ZNF429: variants seen among roughly 807,000 people sequenced by gnomAD.
ZNF429 encodes the protein zinc finger protein 429.
ZNF429 carries 53 observed loss-of-function variants against 56.8 expected under a neutral mutation model. The ratio of observed to expected loss-of-function variants is 0.93; its 90% confidence interval spans 0.75 to 1.17. ZNF429 has a LOEUF of 1.17. Among genes scored for constraint, ZNF429 ranks in the 50% most tolerant of loss-of-function variants. The pLI, the probability that ZNF429 is intolerant of heterozygous loss-of-function variation, is 0.00. For synonymous variants in ZNF429, 278 were observed against 264.7 expected, an observed-to-expected ratio of 1.05 and a Z score of -0.49; for missense variants, 849 against 788.4, an observed-to-expected ratio of 1.08 and a Z score of -0.92.
intron 1 of ZNF429, among the ~76,000 whole-genome samples, chr19:21,518,151 A>G (rs1245338352): frequency 6.6e-6 from 1 of 152,214 alleles, no homozygotes; most frequent in Admixed American, 6.5e-5. Context: ...TGATTTATTT[A>G]AAAGATTTAA....
At chr19:21,510,002 G>A (rs368913973) in intron 1 of ZNF429, among the ~76,000 whole-genome samples, 54 of 151,690 alleles carry the variant, frequency 3.6e-4, no homozygotes, top group African/African-American at 1.2e-3. Context: ...TCCACCTCCC[G>A]GGTTCAAGCA....
chr19:21,528,162 A>G (rs1420566267), intron 1 of ZNF429, among the ~76,000 whole-genome samples: 1 of 152,184 alleles, frequency 6.6e-6, no homozygotes, highest in Non-Finnish European at 1.5e-5. Flanking sequence ...TGTGGCTGTG[A>G]AACAGGAGGT....
In ZNF429 at chr19:21,533,124, A is replaced by T; in HGVS notation, c.226+2440A>T. ...CATCATCAACAGCTTTGGTGTTTTT[A>T]AAAAAATTTACAGTTTCCATTCTTA... is the stretch of plus-strand genomic sequence containing the variant. On this transcript the variant is annotated intron_variant, in intron 3 of 3. Transcript: ENST00000358491. 3.0e-4 allele frequency among the ~76,000 whole-genome samples: 46 copies of T among 150,930 alleles called. 1 individual carries two copies. The South Asian group carries it at 7.5e-3, about 25-fold the overall frequency.
chr19:21,535,461 T>TC lies in ZNF429; in HGVS notation c.227-819_227-818insC. On this transcript the variant is annotated intron_variant, in intron 3 of 3. Coordinates refer to ENST00000358491, the MANE Select transcript of ZNF429 (RefSeq NM_001001415.4). ...CTTTCTTTCTTTCTTTCTTTCTTTC[T>TC]TTCTTTCTTTCTTTCTTTCTTTCTT... 8.3e-5 allele frequency among the ~76,000 whole-genome samples: 7 copies of TC among 84,070 alleles called. 2 individuals carry two copies. The highest frequency in any genetic ancestry group is 3.5e-4 in the African/African-American group (7 of 20,252). 55.2% of individuals were successfully genotyped at this position (84,070 alleles called of 152,430 possible). A position where few individuals can be genotyped will look rare whatever the true frequency, so the allele number is the denominator to read the frequency against.
chr19:21,529,936 G>A lies in ZNF429; in HGVS notation c.130+152G>A. ...TTTGGGGCCGGGTGTCTTGGCTCAC[G>A]CCTGTAATCCCAGCACTTTGGGAGG... On this transcript the variant is annotated intron_variant, in intron 2 of 3. Transcript: ENST00000358491. 2.3e-3 allele frequency: 1,093 copies of A among 480,232 alleles called. 31 individuals carry two copies. The East Asian group carries it at 0.056, about 25-fold the overall frequency. The allele number at this position is 480,232 out of a possible 1,614,324, so 29.7% of individuals were successfully genotyped here. A position where few individuals can be genotyped will look rare whatever the true frequency, so the allele number is the denominator to read the frequency against.
In ZNF429 at chr19:21,506,528, C is replaced by A. The variant is rs555403625; in HGVS notation, c.3+754C>A. Among the ~76,000 whole-genome samples, 10 of 151,038 alleles carry A rather than the reference C, an allele frequency of 6.6e-5. No individual in the cohort carries two copies. In the South Asian group the frequency reaches 2.1e-3, roughly 32 times the overall value. On this transcript the variant is annotated intron_variant, in intron 1 of 3. Coordinates refer to ENST00000358491, the MANE Select transcript of ZNF429 (RefSeq NM_001001415.4). Reference sequence around the variant, plus strand: ...GGTTCTAAAATTGTAAAGCACCCAGCTGTGGGATGTAGTTTGTGGTCCTTT... The same window carrying A: ...GGTTCTAAAATTGTAAAGCACCCAGATGTGGGATGTAGTTTGTGGTCCTTT...
At position 21,536,626 on chromosome 19, in the gene ZNF429, T is replaced by G. The variant is rs1466723032; in HGVS notation, c.573T>G (p.His191Gln). Reference protein sequence around the residue: ...SFCMLSQLTQHKKIHIRENTY... With the variant: ...SFCMLSQLTQQKKIHIRENTY... ...GCATGCTTTCACAACTAACTCAACA[T>G]AAGAAAATTCATATTAGAGAGAATA... Residue 191 changes from histidine to glutamine, a missense_variant, in exon 4 of 4, where the codon CAT becomes CAG. By Grantham distance (24) the His-to-Gln change is conservative. Transcript: ENST00000358491. The G allele has an allele frequency of 6.2e-7, 1 of 1,613,704 alleles. No homozygotes were observed. The highest frequency in any genetic ancestry group is 2.2e-5 in the East Asian group (1 of 44,846).
intron 1 of ZNF429, chr19:21,521,258 C>T (rs2032975814): frequency 6.6e-6 from 1 of 152,108 alleles, no homozygotes; most frequent in Non-Finnish European, 1.5e-5. Flanking sequence ...ATGTGGCCAC[C>T]CAAAACCATA....
chr19:21,506,005 C>A, intron 1 of ZNF429: 1 of 422,304 alleles, frequency 2.4e-6, no homozygotes, highest in South Asian at 2.3e-5. Flanking sequence ...TGACGTGTAG[C>A]CCTGTCTGGG....
In ZNF429 at chr19:21,539,154, C is replaced by T. The variant is rs1376687187; in HGVS notation, c.*1076C>T. Among the ~76,000 whole-genome samples, 1 of 150,896 alleles carries T rather than the reference C, an allele frequency of 6.6e-6. No individual in the cohort carries two copies. Among genetic ancestry groups the T allele is most frequent in the East Asian group, 1.9e-4 (1 of 5,160 alleles). ...GCCATATGTATAAAAATATTTAATT[C>T]AAAATTGAATTTAAAAAGTCTACAT... On this transcript the variant is annotated 3_prime_UTR_variant, in exon 4 of 4. Transcript: ENST00000358491.
At position 21,537,944 on chromosome 19, in the gene ZNF429, A is replaced by G; in HGVS notation, c.1891A>G (p.Thr631Ala). The change falls in exon 4 of 4, where the codon ACC becomes GCC. Residue 631 changes from threonine to alanine, a missense_variant. Thr to Ala is a moderately conservative substitution (Grantham distance 58, BLOSUM62 0). Transcript: ENST00000358491. ...ATGTGAAGAATGTGCCAAAGCTTTTACCCGGTCTTCAAGACTTACTCAACA... is the reference window on the plus strand; with the variant it reads ...ATGTGAAGAATGTGCCAAAGCTTTTGCCCGGTCTTCAAGACTTACTCAACA... The part of the protein sequence containing the change: ...YKCEECAKAF[T>A]RSSRLTQHKK... 6.2e-7 allele frequency: 1 copy of G among 1,614,004 alleles called. No homozygotes were observed. The highest frequency in any genetic ancestry group is 8.5e-7 in the Non-Finnish European group (1 of 1,179,966).
intron 1 of ZNF429, among the ~76,000 whole-genome samples, chr19:21,508,504 GAA>G (rs1214617410): frequency 6.6e-6 from 1 of 152,112 alleles, no homozygotes; most frequent in Non-Finnish European, 1.5e-5. Context: ...TTGTCACTTT[GAA>G]AAGATTTGTT....
chr19:21,511,188 G>A (rs1265247762), intron 1 of ZNF429, among the ~76,000 whole-genome samples: 1 of 150,230 alleles, frequency 6.7e-6, no homozygotes, highest in African/African-American at 2.5e-5. Context: ...CTCCCGGATG[G>A]GGCGGCTGGC....
intron 1 of ZNF429, among the ~76,000 whole-genome samples, chr19:21,510,013 A>G (rs1484632540): frequency 1.3e-5 from 2 of 151,936 alleles, no homozygotes; most frequent in East Asian, 1.9e-4. Context: ...GGTTCAAGCA[A>G]TTCTCATTAC....
At chr19:21,523,793 T>A (rs1266797523) in intron 1 of ZNF429, among the ~76,000 whole-genome samples, 1 of 152,210 alleles carries the variant, frequency 6.6e-6, no homozygotes, top group Non-Finnish European at 1.5e-5. Context: ...TTGCCTCATC[T>A]TCTACCTTCT....
At position 21,530,275 on chromosome 19, in the gene ZNF429, T is replaced by C; in HGVS notation, c.131-314T>C. Among the ~76,000 whole-genome samples, 136 of 152,168 alleles carry C rather than the reference T, an allele frequency of 8.9e-4. 1 individual carries two copies. Among genetic ancestry groups the C allele is most frequent in the African/African-American group, 3.1e-3 (127 of 41,546 alleles). On this transcript the variant is annotated intron_variant, in intron 2 of 3. Transcript: ENST00000358491. ...GTTTTGTCTTCACCTGAACTTTCCA[T>C]ATTCCTGAGCTGATTTGTATTATGT... is the stretch of plus-strand genomic sequence containing the variant.
At chr19:21,528,380 A>G (rs1227623187) in intron 1 of ZNF429, among the ~76,000 whole-genome samples, 1 of 152,196 alleles carries the variant, frequency 6.6e-6, no homozygotes, top group Non-Finnish European at 1.5e-5. Flanking sequence ...AGAGTGCTAA[A>G]AAAAGACTAC....
intron 3 of ZNF429, among the ~76,000 whole-genome samples, chr19:21,533,352 A>G: frequency 2.0e-5 from 3 of 151,890 alleles, no homozygotes; most frequent in Non-Finnish European, 2.9e-5. Flanking sequence ...TGAATATTAA[A>G]TCATATCCAT....
chr19:21,530,967 A>G, intron 3 of ZNF429, among the ~76,000 whole-genome samples: 2 of 151,866 alleles, frequency 1.3e-5, no homozygotes, highest in South Asian at 2.1e-4. Context: ...TTCACTGGGC[A>G]TGGTGTCACA....
Sources: gnomAD v4.1 joint callset for allele counts (sites outside exome capture counted in the v4.1 genomes callset) on GRCh38, gnomAD v4.1.1 for gene constraint, MANE v1.5 for transcripts, NCBI Gene and HGNC (gene_info 2026-07-23, HGNC 2026-07-21) for gene names.